PKHD1L1: variants seen among roughly 807,000 people sequenced by gnomAD.
PKHD1L1 encodes the protein PKHD1 like 1, also known as fibrocystin-L.
PKHD1L1 carries 434 observed loss-of-function variants against 462.9 expected under a neutral mutation model. The ratio of observed to expected loss-of-function variants is 0.94; its 90% CI spans 0.87 to 1.02. The LOEUF is 1.02. Ranked by LOEUF, PKHD1L1 falls within the 50% of genes least tolerant of loss-of-function variation. The probability of loss-of-function intolerance (pLI) is 0.00; values close to 1 mark genes in which losing one functional copy is unlikely to be tolerated. For missense variants in PKHD1L1, 5,202 were observed against 5,096.1 expected (o/e 1.02, Z -0.63); for synonymous variants, 1,781 against 1,750.0 (o/e 1.02, Z -0.44).
intron 72 of PKHD1L1, 96 bp downstream of exon 72, chr8:109,515,401 C>A (rs1820217841): frequency 3.8e-6 from 4 of 1,050,480 alleles, no homozygotes; most frequent in Non-Finnish European, 5.1e-6. Flanking sequence ...CCTTATCTAT[C>A]AATGATGGAG....
rs1815337726 is a variant in PKHD1L1 at position 109,435,214 on chromosome 8, T to C, written c.3365T>C (p.Leu1122Pro). ...GAAAAAGAGCTCAAGTGCCAGATTC[T>C]GAATGGAAGTGCTGGACATGCCCCC... ...VDEKELKCQI[L>P]NGSAGHAPVA... Residue 1122 changes from leucine (L) to proline (P), a missense_variant, in exon 29 of 78, where the codon CTG becomes CCG. Leu to Pro is a moderately conservative substitution (Grantham distance 98, BLOSUM62 -3). Coordinates refer to ENST00000378402, the MANE Select transcript of PKHD1L1 (RefSeq NM_177531.6). 6.2e-7 allele frequency: 1 copy of C among 1,613,632 alleles called. No individual in the cohort carries two copies. The highest frequency in any genetic ancestry group is 8.5e-7 in the Non-Finnish European group (1 of 1,179,670).
At chr8:109,438,690 T>G (rs1305555515) in intron 31 of PKHD1L1, among the ~76,000 whole-genome samples, 9 of 152,072 alleles carry the variant, frequency 5.9e-5, no homozygotes, top group Admixed American at 5.9e-4. Flanking sequence ...TTTGTCATCT[T>G]TTTTCCTTTT....
At position 109,498,760 on chromosome 8, in the gene PKHD1L1, T is replaced by C. The variant is rs1370606282; in HGVS notation, c.10817T>C (p.Leu3606Ser). 6.2e-7 allele frequency: 1 copy of C among 1,611,116 alleles called. No homozygotes were observed. Among genetic ancestry groups the C allele is most frequent in the East Asian group, 2.2e-5 (1 of 44,864 alleles). The change falls in exon 67 of 78, where the codon TTG (leucine) becomes TCG (serine). Residue 3606 changes from leucine to serine, a missense_variant. By Grantham distance (145) the Leu-to-Ser change is moderately radical (BLOSUM62 -2). Coordinates refer to ENST00000378402, the MANE Select transcript of PKHD1L1 (RefSeq NM_177531.6). Reference protein sequence around the residue: ...IMSYNAISGLLDISGSTFVGF... With the variant: ...IMSYNAISGLSDISGSTFVGF... ...AGTTACAATGCCATCAGTGGCCTTT[T>C]GGACATCTCAGGCAAGTACACAGTC...
At chr8:109,529,361 C>A (rs1036846125) in intron 77 of PKHD1L1, among the ~76,000 whole-genome samples, 4 of 151,994 alleles carry the variant, frequency 2.6e-5, no homozygotes, top group Admixed American at 2.6e-4. Flanking sequence ...TTCTTGTCTC[C>A]AGAATAGTAA....
intron 2 of PKHD1L1, among the ~76,000 whole-genome samples, chr8:109,378,019 G>A (rs1430051770): frequency 6.6e-6 from 1 of 152,024 alleles, no homozygotes; most frequent in African/African-American, 2.4e-5. Context: ...CCGTCAGCAT[G>A]CAAATATACT....
At chr8:109,450,149 A>T (rs1242706466) in intron 40 of PKHD1L1, among the ~76,000 whole-genome samples, 1 of 152,188 alleles carries the variant, frequency 6.6e-6, no homozygotes, top group Non-Finnish European at 1.5e-5. Flanking sequence ...TCTCTGCTTC[A>T]GTTTCTCCAT....
chr8:109,517,779 A>G (rs930648406), intron 72 of PKHD1L1, among the ~76,000 whole-genome samples: 3 of 152,156 alleles, frequency 2.0e-5, no homozygotes, highest in Non-Finnish European at 2.9e-5. Context: ...TTAGATAGCT[A>G]GTAAAGTTAA....
Position 109,454,737 on chromosome 8 carries a change from A to G in PKHD1L1, c.6759A>G (p.Thr2253=). ...ATCTTTTGCAGATTGGAACAGAGACATCCCCATTCCAACACAAGGCTGTCA... is the reference window on the plus strand; with the variant it reads ...ATCTTTTGCAGATTGGAACAGAGACGTCCCCATTCCAACACAAGGCTGTCA... The part of the protein sequence containing the change: ...DGGVLQIGTE[T]SPFQHKAVIT... The change falls in exon 45 of 78, where the codon ACA becomes ACG. Residue 2253 remains threonine (T), a synonymous_variant. Transcript: ENST00000378402. 1.2e-6 allele frequency: 2 copies of G among 1,613,782 alleles called. No homozygotes were observed. The highest frequency in any genetic ancestry group is 1.7e-6 in the Non-Finnish European group (2 of 1,179,772).
At chr8:109,465,811 C>T (rs898229167) in intron 49 of PKHD1L1, among the ~76,000 whole-genome samples, 1 of 152,076 alleles carries the variant, frequency 6.6e-6, no homozygotes, top group Non-Finnish European at 1.5e-5. Context: ...ACCAAAAGAA[C>T]AAAATTCCAT....
intron 13 of PKHD1L1, 86 bp downstream of exon 13, chr8:109,400,430 A>T: frequency 7.2e-7 from 1 of 1,394,182 alleles, no homozygotes; most frequent in Non-Finnish European, 9.6e-7. Flanking sequence ...AAAACGAATG[A>T]ACATTTTTAA....
At chr8:109,440,671 A>G in intron 32 of PKHD1L1, 39 bp from the exon 33 acceptor site, 1 of 1,578,474 alleles carries the variant, frequency 6.3e-7, no homozygotes, top group East Asian at 2.2e-5. Flanking sequence ...ATAAATCAGT[A>G]GGAAGCTCAT....
intron 2 of PKHD1L1, among the ~76,000 whole-genome samples, chr8:109,374,491 C>T (rs1333183757): frequency 1.3e-5 from 2 of 152,118 alleles, no homozygotes; most frequent in Non-Finnish European, 2.9e-5. Context: ...GAGCATTTAG[C>T]CAATTTACAT....
chr8:109,459,066 T>C (rs1277625339), intron 46 of PKHD1L1, among the ~76,000 whole-genome samples: 1 of 152,120 alleles, frequency 6.6e-6, no homozygotes, highest in African/African-American at 2.4e-5. Context: ...TCAGGAACCT[T>C]CAGTGACTCT....
At chr8:109,473,096 C>T (rs1817805584) in intron 50 of PKHD1L1, among the ~76,000 whole-genome samples, 1 of 152,118 alleles carries the variant, frequency 6.6e-6, no homozygotes, top group African/African-American at 2.4e-5. Flanking sequence ...AACCAACATA[C>T]TTGAAATGAG....
At chr8:109,469,393 A>T (rs1817607491) in intron 50 of PKHD1L1, among the ~76,000 whole-genome samples, 1 of 152,144 alleles carries the variant, frequency 6.6e-6, no homozygotes, top group African/African-American at 2.4e-5. Flanking sequence ...GAGATACAAG[A>T]GCCCACCAAT....
chr8:109,496,933 G>A lies in PKHD1L1; in HGVS notation c.10342G>A (p.Val3448Met), dbSNP rs562593738. 2.5e-6 allele frequency: 4 copies of A among 1,613,224 alleles called. No individual in the cohort carries two copies. In the African/African-American group the frequency reaches 5.3e-5, roughly 21 times the overall value. ...TTCCCTCCAAGGCCAGTTTAATCCT[G>A]TGGAAAAGTGGTTTGACAATGAAGC... Reference protein sequence around the residue: ...GEPCPGQFNPVEKWFDNEAHG... With the variant: ...GEPCPGQFNPMEKWFDNEAHG... The change falls in exon 64 of 78, where the codon GTG becomes ATG. Residue 3448 changes from valine to methionine, a missense_variant. Val to Met is a conservative substitution (Grantham distance 21). Transcript: ENST00000378402.
intron 19 of PKHD1L1, among the ~76,000 whole-genome samples, chr8:109,411,361 A>G (rs1242030855): frequency 2.6e-5 from 4 of 152,194 alleles, no homozygotes; most frequent in Non-Finnish European, 5.9e-5. Flanking sequence ...ATTCAGATTA[A>G]TACCCTGGAT....
At chr8:109,392,479 A>G (rs929418149) in intron 9 of PKHD1L1, among the ~76,000 whole-genome samples, 1 of 152,092 alleles carries the variant, frequency 6.6e-6, no homozygotes, top group Non-Finnish European at 1.5e-5. Context: ...TGTGGACTCA[A>G]TTTATAATTC....
At chr8:109,375,505 A>G (rs1346103636) in intron 2 of PKHD1L1, among the ~76,000 whole-genome samples, 1 of 152,140 alleles carries the variant, frequency 6.6e-6, no homozygotes, top group African/African-American at 2.4e-5. Flanking sequence ...TCAACTCGTC[A>G]AAGTCATTCT....
Sources: gnomAD v4.1 joint callset for allele counts (sites outside exome capture counted in the v4.1 genomes callset) on GRCh38, gnomAD v4.1.1 for gene constraint, MANE v1.5 for transcripts, NCBI Gene and HGNC (gene_info 2026-07-23, HGNC 2026-07-21) for gene names.